Variants in FBXL17 observed in about 807,000 individuals in gnomAD.
FBXL17 encodes F-box/LRR-repeat protein 17.
A neutral mutation model predicts 66.2 loss-of-function variants in FBXL17; 22 were observed. The observed-to-expected ratio is 0.33, with a 90% CI of 0.24 to 0.47. FBXL17 has a LOEUF of 0.47. FBXL17 is among the 20% of genes least tolerant of loss of function. The probability of loss-of-function intolerance (pLI) is 1.00; values close to 1 mark genes in which losing one functional copy is unlikely to be tolerated. For missense variants in FBXL17, 878 were observed against 948.2 expected (o/e 0.93, Z 0.97); for synonymous variants, 474 against 400.5 (o/e 1.18, Z -2.19).
chr5:108,380,412 C>G (rs1013622615), intron 1 of FBXL17, among the ~76,000 whole-genome samples: 7 of 152,140 alleles, frequency 4.6e-5, no homozygotes, highest in African/African-American at 1.7e-4. Context: ...AGAATACCTG[C>G]GAAGTTTCTA....
chr5:108,143,643 C>T (rs1751445961), intron 6 of FBXL17, among the ~76,000 whole-genome samples: 1 of 149,472 alleles, frequency 6.7e-6, no homozygotes, highest in Non-Finnish European at 1.5e-5. Context: ...AAAGTCACAT[C>T]CAATAAACCT....
At chr5:108,149,758 T>C (rs1272775764) in intron 6 of FBXL17, among the ~76,000 whole-genome samples, 3 of 152,220 alleles carry the variant, frequency 2.0e-5, no homozygotes, top group African/African-American at 7.2e-5. Context: ...AACTTTAAGA[T>C]AGTCCATGTT....
chr5:108,373,746 T>C (rs1749223523), intron 1 of FBXL17, among the ~76,000 whole-genome samples: 1 of 151,532 alleles, frequency 6.6e-6, no homozygotes, highest in Non-Finnish European at 1.5e-5. Flanking sequence ...CAAGACCCTG[T>C]CTCCACAAAA....
chr5:108,206,298 A>G (rs1241874701), intron 5 of FBXL17, among the ~76,000 whole-genome samples: 1 of 152,066 alleles, frequency 6.6e-6, no homozygotes, highest in Non-Finnish European at 1.5e-5. Flanking sequence ...CATTTTGTTT[A>G]CTCATTTTTA....
chr5:108,365,176 T>G (rs1378223292), intron 2 of FBXL17, among the ~76,000 whole-genome samples, 181 bp from the exon 3 acceptor site: 1 of 152,096 alleles, frequency 6.6e-6, no homozygotes, highest in South Asian at 2.1e-4. Flanking sequence ...ATAATAATAT[T>G]GTAATTGGTC....
chr5:108,221,211 A>T (rs1754850191), intron 5 of FBXL17, among the ~76,000 whole-genome samples: 1 of 152,184 alleles, frequency 6.6e-6, no homozygotes, highest in African/African-American at 2.4e-5. Flanking sequence ...AATCAAAATA[A>T]AATTAAATCA....
chr5:108,166,951 T>TA (rs1186029467), intron 6 of FBXL17, among the ~76,000 whole-genome samples: 2 of 152,172 alleles, frequency 1.3e-5, no homozygotes, highest in Non-Finnish European at 2.9e-5. Context: ...ATGTAACTAT[T>TA]AAAATATGTT....
chr5:108,073,382 C>T (rs746463108), intron 6 of FBXL17, among the ~76,000 whole-genome samples: 1 of 151,862 alleles, frequency 6.6e-6, no homozygotes, highest in African/African-American at 2.4e-5. Flanking sequence ...TTATTTGTTA[C>T]TTGAGACACA....
At chr5:108,070,693 T>C (rs1252174824) in intron 6 of FBXL17, among the ~76,000 whole-genome samples, 1 of 152,198 alleles carries the variant, frequency 6.6e-6, no homozygotes, top group East Asian at 1.9e-4. Flanking sequence ...CAATTAAAAA[T>C]ACACAGTTTG....
rs78359665 is a variant in FBXL17 at position 107,884,609 on chromosome 5, T to G, written c.1823-3430A>C. On this transcript the variant is annotated intron_variant, in intron 7 of 8. Transcript: ENST00000542267. Reference sequence around the variant, plus strand: ...TTTGCCTCTCTTTGACTATATCATGTCCTTGGACAGTTTTTCATTGTTGTT... The same window carrying G: ...TTTGCCTCTCTTTGACTATATCATGGCCTTGGACAGTTTTTCATTGTTGTT... Among the ~76,000 whole-genome samples the G allele has an allele frequency of 4.5e-4, 68 of 152,348 alleles. 1 individual carries two copies. In the East Asian group the frequency reaches 8.3e-3, roughly 19 times the overall value.
chr5:108,089,649 C>T (rs1023385101), intron 6 of FBXL17, among the ~76,000 whole-genome samples: 4 of 152,150 alleles, frequency 2.6e-5, no homozygotes, highest in Non-Finnish European at 5.9e-5. Context: ...TCCCCATAGA[C>T]GGTAAGTTCC....
intron 6 of FBXL17, among the ~76,000 whole-genome samples, chr5:108,093,453 G>A (rs1486103135): frequency 1.3e-5 from 2 of 152,146 alleles, no homozygotes; most frequent in South Asian, 2.1e-4. Flanking sequence ...CACTGATGTG[G>A]AGCATTAAAA....
intron 6 of FBXL17, among the ~76,000 whole-genome samples, chr5:108,120,887 G>A (rs181667180): frequency 1.8e-4 from 27 of 152,230 alleles, no homozygotes; most frequent in Admixed American, 1.6e-3. Context: ...TTGAATGAAT[G>A]AATGCTTATC....
At position 108,224,223 on chromosome 5, in the gene FBXL17, T is replaced by C. The variant is rs201524541; in HGVS notation, c.1512A>G (p.Thr504=). ...RIYMQENKLV[T]DQSVKAFAEH... is the part of the protein sequence containing the mutation. ...CAGCAAATGCTTTCACTGACTGATC[T>C]GTCACCTAGGGAAAAGACATGGATG... Residue 504 remains threonine (T), a synonymous_variant, in exon 5 of 9, where the codon ACA becomes ACG. Transcript: ENST00000542267. 2.3e-5 allele frequency: 36 copies of C among 1,580,218 alleles called. No individual in the cohort carries two copies. The highest frequency in any genetic ancestry group is 2.8e-5 in the Non-Finnish European group (32 of 1,152,626).
At position 108,220,952 on chromosome 5, in the gene FBXL17, C is replaced by T. The variant is rs1754838581; in HGVS notation, c.1614+3169G>A. Reference sequence around the variant, plus strand: ...TAATACTCTTAACTGTAAATGTAGACCTCAAAAATTCTTATCTTTGCTTCC... The same window carrying T: ...TAATACTCTTAACTGTAAATGTAGATCTCAAAAATTCTTATCTTTGCTTCC... On this transcript the variant is annotated intron_variant, in intron 5 of 8. Transcript: ENST00000542267. Among the ~76,000 whole-genome samples the T allele has an allele frequency of 2.0e-5, 3 of 152,128 alleles. No individual in the cohort carries two copies. In the South Asian group the frequency reaches 6.2e-4, roughly 32 times the overall value.
chr5:107,966,395 G>A (rs1424569186), intron 7 of FBXL17, among the ~76,000 whole-genome samples: 1 of 152,112 alleles, frequency 6.6e-6, no homozygotes, highest in Admixed American at 6.6e-5. Flanking sequence ...AATCTTCCAA[G>A]AGCATCATTT....
At chr5:108,368,013 G>T in intron 1 of FBXL17, 60 bp from the exon 2 acceptor site, 1 of 1,452,966 alleles carries the variant, frequency 6.9e-7, no homozygotes, top group Admixed American at 2.7e-5. Context: ...CACAGGAAAA[G>T]GTTTTTATTA....
chr5:108,160,009 C>T (rs1238980853), intron 6 of FBXL17, among the ~76,000 whole-genome samples: 1 of 67,134 alleles, frequency 1.5e-5, no homozygotes, highest in Non-Finnish European at 2.5e-5. Flanking sequence ...ACATAGATAT[C>T]CCTGTCAAAA....
intron 4 of FBXL17, chr5:108,298,358 T>C: frequency 1.0e-6 from 1 of 982,402 alleles, no homozygotes; most frequent in Non-Finnish European, 1.2e-6. Context: ...AATCTGTGCA[T>C]AGAGAAAGTT....
Sources: gnomAD v4.1 joint callset for allele counts (sites outside exome capture counted in the v4.1 genomes callset) on GRCh38, gnomAD v4.1.1 for gene constraint, MANE v1.5 for transcripts, NCBI Gene and HGNC (gene_info 2026-07-23, HGNC 2026-07-21) for gene names.